RCN1: variants seen among roughly 807,000 people sequenced by gnomAD.
The protein encoded by RCN1 is reticulocalbin-1.
In RCN1, 14 loss-of-function variants were observed where a neutral mutation model predicts 34.7. The observed-to-expected ratio is 0.40, with a 90% CI of 0.27 to 0.63. The LOEUF is 0.63. Among genes scored for constraint, RCN1 ranks in the 30% least tolerant of loss-of-function variants. The pLI is 0.37. For synonymous variants in RCN1, 125 were observed against 165.5 expected (o/e 0.76, Z 1.88); for missense variants, 326 against 425.1 (o/e 0.77, Z 2.05).
chr11:32,098,600 A>C (rs1316124277), intron 3 of RCN1, 72 bp downstream of exon 3: 71 of 1,237,564 alleles, frequency 5.7e-5, no homozygotes, highest in Non-Finnish European at 7.7e-5. Flanking sequence ...GTCTCTTCCA[A>C]AGAGAGAAGA....
intron 1 of RCN1, chr11:32,096,939 T>A (rs1851977685): frequency 2.0e-6 from 1 of 502,620 alleles, no homozygotes; most frequent in Admixed American, 3.8e-5. Flanking sequence ...TCAGCACTGG[T>A]TGGGGGAAAG....
rs759237169 is a variant in RCN1, at chr11:32,097,319, A to G, written c.430A>G (p.Thr144Ala). The G allele has an allele frequency of 6.4e-7, 1 of 1,572,818 alleles. No individual in the cohort carries two copies. The highest frequency in any genetic ancestry group is 8.6e-7 in the Non-Finnish European group (1 of 1,165,024). The change falls in exon 2 of 6, where the codon ACC (threonine) becomes GCC (alanine). Residue 144 changes from threonine to alanine, a missense_variant. Thr to Ala is a moderately conservative substitution (Grantham distance 58). Coordinates refer to ENST00000054950, the MANE Select transcript of RCN1 (RefSeq NM_002901.4). ...KISWEEYKQA[T>A]YGYYLGNPAE... ...TTCCTGGGAAGAATACAAACAAGCC[A>G]CCTATGGTTACTACCTAGGTAAGAG...
chr11:32,098,218 T>C, intron 2 of RCN1, 132 bp from the exon 3 acceptor site: 1 of 707,926 alleles, frequency 1.4e-6, no homozygotes, highest in Non-Finnish European at 2.3e-6. Context: ...TAGAATGTTT[T>C]AAAGAACTCA....
intron 3 of RCN1, among the ~76,000 whole-genome samples, chr11:32,100,243 C>T (rs1275410162): frequency 1.3e-5 from 2 of 152,150 alleles, no homozygotes; most frequent in Non-Finnish European, 2.9e-5. Flanking sequence ...GGTGTTTTGG[C>T]TGGATGGTGG....
At chr11:32,101,427 A>G (rs1441352624) in intron 4 of RCN1, among the ~76,000 whole-genome samples, 1 of 152,246 alleles carries the variant, frequency 6.6e-6, no homozygotes, top group African/African-American at 2.4e-5. Context: ...ACCTATGAAA[A>G]GAGAAATGAA....
chr11:32,104,260 T>C, intron 5 of RCN1, 105 bp from the exon 6 acceptor site: 1 of 689,192 alleles, frequency 1.5e-6, no homozygotes, highest in Non-Finnish European at 2.5e-6. Flanking sequence ...GATTACTAAA[T>C]ATAGTATTTT....
chr11:32,097,137 A>C lies in RCN1; in HGVS notation c.255-7A>C. The C allele has an allele frequency of 7.4e-7, 1 of 1,343,100 alleles. No homozygotes were observed. Among genetic ancestry groups the C allele is most frequent in the Non-Finnish European group, 9.6e-7 (1 of 1,040,868 alleles). 83.2% of individuals were successfully genotyped at this position (1,343,100 alleles called of 1,614,324 possible). A position where few individuals can be genotyped will look rare whatever the true frequency, so the allele number is the denominator to read the frequency against. On this transcript the variant is annotated splice_polypyrimidine_tract_variant and splice_region_variant and intron_variant, in intron 1 of 5. Transcript: ENST00000054950. Reference sequence around the variant, plus strand: ...TGGGTTTCTTTTTTTTTTTTTTTGTACTGCAGGAAGATTGTTGATCGAATC... The same window carrying C: ...TGGGTTTCTTTTTTTTTTTTTTTGTCCTGCAGGAAGATTGTTGATCGAATC...
intron 3 of RCN1, among the ~76,000 whole-genome samples, chr11:32,099,413 C>T (rs1476090777): frequency 2.0e-5 from 3 of 151,782 alleles, no homozygotes. Flanking sequence ...GAAAAAGACT[C>T]AGAAATGGAA....
chr11:32,096,326 G>A (rs1411149074), intron 1 of RCN1, among the ~76,000 whole-genome samples: 1 of 152,172 alleles, frequency 6.6e-6, no homozygotes, highest in African/African-American at 2.4e-5. Context: ...GACAAAAGTG[G>A]GTTCCCAGCC....
Position 32,091,325 on chromosome 11 carries a change from G to C in RCN1, c.129G>C (p.Ser43=). The C allele has an allele frequency of 6.5e-7, 1 of 1,547,874 alleles. No homozygotes were observed. Among genetic ancestry groups the C allele is most frequent in the Non-Finnish European group, 8.7e-7 (1 of 1,146,210 alleles). Reference sequence around the variant, plus strand: ...AAGAGCGCGTGGTGCGGCCCGACTCGGAGCTGGGCGAGCGGCCCCCTGAGG... The same window carrying C: ...AAGAGCGCGTGGTGCGGCCCGACTCCGAGCTGGGCGAGCGGCCCCCTGAGG... The part of the protein sequence containing the change: ...VRKERVVRPD[S]ELGERPPEDN... The change falls in exon 1 of 6, where the codon TCG becomes TCC. Residue 43 remains serine (S), a synonymous_variant. Coordinates refer to ENST00000054950, the MANE Select transcript of RCN1 (RefSeq NM_002901.4).
At chr11:32,096,373 G>A (rs942523844) in intron 1 of RCN1, among the ~76,000 whole-genome samples, 9 of 152,206 alleles carry the variant, frequency 5.9e-5, no homozygotes, top group South Asian at 2.1e-4. Flanking sequence ...GGGTACCTCA[G>A]TGGAGTTCAG....
chr11:32,100,697 T>G (rs1852028042), intron 4 of RCN1, 89 bp downstream of exon 4: 2 of 1,014,898 alleles, frequency 2.0e-6, no homozygotes, highest in African/African-American at 1.6e-5. Context: ...CAGACGTCTC[T>G]TTTAGCAACA....
chr11:32,098,543 G>C lies in RCN1; in HGVS notation c.627+15G>C, dbSNP rs1421445668. 1.3e-6 allele frequency: 2 copies of C among 1,595,486 alleles called. No individual in the cohort carries two copies. Among genetic ancestry groups the C allele is most frequent in the Non-Finnish European group, 1.7e-6 (2 of 1,171,328 alleles). ...TTGTGGTTTTGGTAAGATAAGTGAAGAGTCTGGGCTGGGAAGAGACCAGGG... is the reference window on the plus strand; with the variant it reads ...TTGTGGTTTTGGTAAGATAAGTGAACAGTCTGGGCTGGGAAGAGACCAGGG... On this transcript the variant is annotated intron_variant, in intron 3 of 5. Coordinates refer to ENST00000054950, the MANE Select transcript of RCN1 (RefSeq NM_002901.4).
At chr11:32,097,939 A>G (rs148448091) in intron 2 of RCN1, among the ~76,000 whole-genome samples, 266 of 152,326 alleles carry the variant, frequency 1.7e-3, no homozygotes, top group African/African-American at 6.0e-3. Flanking sequence ...AGGCCCAAGG[A>G]GAACCAAAGA....
At position 32,098,550 on chromosome 11, in the gene RCN1, G is replaced by A. The variant is rs746807747; in HGVS notation, c.627+22G>A. 41 of 1,568,382 alleles carry A rather than the reference G, an allele frequency of 2.6e-5. No individual in the cohort carries two copies. The South Asian group carries it at 4.7e-4, about 18-fold the overall frequency. ...TTTGGTAAGATAAGTGAAGAGTCTG[G>A]GCTGGGAAGAGACCAGGGAGAAAAC... On this transcript the variant is annotated intron_variant, in intron 3 of 5. Coordinates refer to ENST00000054950, the MANE Select transcript of RCN1 (RefSeq NM_002901.4).
chr11:32,091,281 G>T lies in RCN1; in HGVS notation c.85G>T (p.Ala29Ser), dbSNP rs1490932977. The change falls in exon 1 of 6, where the codon GCC (alanine) becomes TCC (serine). Residue 29 changes from alanine to serine, a missense_variant. Transcript: ENST00000054950. ...ALVLAPRVLR[A>S]KPTVRKERVV... ...GGTGCTGGCGCCGCGGGTTCTGCGGGCCAAGCCCACGGTGCGCAAAGAGCG... is the reference window on the plus strand; with the variant it reads ...GGTGCTGGCGCCGCGGGTTCTGCGGTCCAAGCCCACGGTGCGCAAAGAGCG... The T allele has an allele frequency of 6.5e-7, 1 of 1,542,660 alleles. No homozygotes were observed. Among genetic ancestry groups the T allele is most frequent in the African/African-American group, 1.4e-5 (1 of 72,340 alleles).
chr11:32,102,406 T>C (rs930222656), intron 4 of RCN1: 1 of 152,314 alleles, frequency 6.6e-6, no homozygotes, highest in African/African-American at 2.4e-5. Flanking sequence ...TCTTTTTTTT[T>C]CCTTCACTTA....
chr11:32,091,574 G>T (rs751802902), intron 1 of RCN1, 124 bp downstream of exon 1: 58 of 1,279,892 alleles, frequency 4.5e-5, no homozygotes, highest in African/African-American at 6.3e-5. Flanking sequence ...TCGAGGATGG[G>T]GCCCTGCCCA....
rs1290757025 is a variant in RCN1 at position 32,091,090 on chromosome 11, C to T, written c.-107C>T. 7.8e-7 allele frequency: 1 copy of T among 1,282,972 alleles called. No homozygotes were observed. 79.5% of individuals were successfully genotyped at this position (1,282,972 alleles called of 1,614,324 possible). On this transcript the variant is annotated 5_prime_UTR_variant, in exon 1 of 6. Transcript: ENST00000054950. ...GGACTGGCCAGTCCCCTCCTCCGCG[C>T]CGGCCCCAACCCTGTCGCTGCCGCC...
Sources: gnomAD v4.1 joint callset for allele counts (sites outside exome capture counted in the v4.1 genomes callset) on GRCh38, gnomAD v4.1.1 for gene constraint, MANE v1.5 for transcripts, NCBI Gene and HGNC (gene_info 2026-07-23, HGNC 2026-07-21) for gene names.